Variants in GSDME observed in about 807,000 individuals in gnomAD.
The protein encoded by GSDME is gasdermin E, also known as gasdermin-E.
In GSDME, 44 loss-of-function variants were observed where a neutral mutation model predicts 47.5. That is an observed-to-expected ratio of 0.93 (90% confidence interval 0.73 to 1.19). The LOEUF is 1.19. Among genes scored for constraint, GSDME ranks in the 50% most tolerant of loss-of-function variants. The pLI is 0.00. For missense variants in GSDME, 663 were observed against 604.2 expected (o/e 1.10, Z -1.02); for synonymous variants, 258 against 252.8 (o/e 1.02, Z -0.20).
At chr7:24,719,307 G>T in intron 3 of GSDME, 89 bp from the exon 4 acceptor site, 1 of 1,371,566 alleles carries the variant, frequency 7.3e-7, no homozygotes, top group Non-Finnish European at 1.0e-6. Context: ...GGCAGCTGAG[G>T]AGTGAGCAGG....
chr7:24,715,805 TCTTTGACCAACTG>T (rs1313653026), intron 5 of GSDME, among the ~76,000 whole-genome samples: 2 of 152,194 alleles, frequency 1.3e-5, no homozygotes, highest in Admixed American at 6.5e-5. Context: ...CTGACAGACC[TCTTTGACCAACTG>T]CTTCAAACTG....
intron 8 of GSDME, 160 bp from the exon 9 acceptor site, chr7:24,702,993 T>C: frequency 1.6e-6 from 1 of 620,052 alleles, no homozygotes; most frequent in Non-Finnish European, 3.0e-6. Flanking sequence ...TGGTGCTAAA[T>C]GGGCAGCAAA....
chr7:24,717,266 C>G lies in GSDME; in HGVS notation c.685G>C (p.Asp229His). 1 of 1,587,472 alleles carries G rather than the reference C, an allele frequency of 6.3e-7. No homozygotes were observed. Among genetic ancestry groups the G allele is most frequent in the Admixed American group, 1.8e-5 (1 of 56,704 alleles). ...YGVIELYVKL[D>H]GQFEFCLLRG... Reference sequence around the variant, plus strand: ...AGGTGGCACTCACCGAACTGGCCGTCCAGTTTCACGTATAACTCAATGACA... The same window carrying G: ...AGGTGGCACTCACCGAACTGGCCGTGCAGTTTCACGTATAACTCAATGACA... Residue 229 changes from aspartate to histidine, a missense_variant, in exon 5 of 10, where the codon GAC becomes CAC. Asp to His is a moderately conservative substitution (Grantham distance 81). Coordinates refer to ENST00000645220, the MANE Select transcript of GSDME (RefSeq NM_001127453.2).
chr7:24,701,340 T>C (rs1788860326), intron 9 of GSDME, among the ~76,000 whole-genome samples: 1 of 152,230 alleles, frequency 6.6e-6, no homozygotes, highest in Non-Finnish European at 1.5e-5. Flanking sequence ...ATACCTTCCA[T>C]TCTGAACTCC....
intron 9 of GSDME, 28 bp from the exon 10 acceptor site, chr7:24,699,287 C>T (rs1788764626): frequency 6.5e-7 from 1 of 1,531,438 alleles, no homozygotes; most frequent in African/African-American, 1.4e-5. Context: ...AACAAATTCA[C>T]TTTTAAAATG....
Position 24,712,370 on chromosome 7 carries a change from G to A in GSDME, c.698-1982C>T, listed in dbSNP as rs574262073. 6.6e-6 allele frequency among the ~76,000 whole-genome samples: 1 copy of A among 152,236 alleles called. No individual in the cohort carries two copies. Among genetic ancestry groups the A allele is most frequent in the African/African-American group, 2.4e-5 (1 of 41,528 alleles). ...TCCCCAAAATAATGTGGAACCAACT[G>A]GCATTTTAAGAATCCACAGCACCAA... On this transcript the variant is annotated intron_variant, in intron 5 of 9. Coordinates refer to ENST00000645220, the MANE Select transcript of GSDME (RefSeq NM_001127453.2). The surrounding 1 kb of genome is among the most constrained non-coding windows in gnomAD (Gnocchi z 4.4).
At chr7:24,718,505 T>C (rs1789652821) in intron 4 of GSDME, among the ~76,000 whole-genome samples, 1 of 152,194 alleles carries the variant, frequency 6.6e-6, no homozygotes, top group African/African-American at 2.4e-5. Context: ...AAGTAATCAC[T>C]GTGAGAGCCC....
chr7:24,758,466 G>T (rs1344122319), upstream of GSDME, among the ~76,000 whole-genome samples: 1 of 152,180 alleles, frequency 6.6e-6, no homozygotes, highest in African/African-American at 2.4e-5. The surrounding 1 kb of genome is among the most constrained non-coding windows in gnomAD (Gnocchi z 4.6). Context: ...ATTGCTCAGT[G>T]ACACTTTCAG....
the GSDME span, among the ~76,000 whole-genome samples, chr7:24,781,584 C>T: frequency 3.3e-5 from 5 of 152,020 alleles, no homozygotes; most frequent in African/African-American, 1.2e-4. Context: ...TCTTAAGGCA[C>T]CTTTATGCTT....
chr7:24,748,168 A>ATATTTTTT (rs1483888057), intron 2 of GSDME, among the ~76,000 whole-genome samples: 1 of 117,498 alleles, frequency 8.5e-6, no homozygotes, highest in African/African-American at 2.9e-5. Flanking sequence ...ATATATATAT[A>ATATTTTTT]TTTTTTTTTG....
At position 24,744,533 on chromosome 7, in the gene GSDME, A is replaced by G. The variant is rs368792277; in HGVS notation, c.404+29T>C. 37 of 1,613,520 alleles carry G rather than the reference A, an allele frequency of 2.3e-5. No individual in the cohort carries two copies. The African/African-American group carries it at 4.1e-4, about 18-fold the overall frequency. Reference sequence around the variant, plus strand: ...GACCTTTAAATGTGAGATGTGTCAAAATCCAAAATGCCAAACAAGTCTCCT... The same window carrying G: ...GACCTTTAAATGTGAGATGTGTCAAGATCCAAAATGCCAAACAAGTCTCCT... On this transcript the variant is annotated intron_variant, in intron 3 of 9. Coordinates refer to ENST00000645220, the MANE Select transcript of GSDME (RefSeq NM_001127453.2). The surrounding 1 kb of genome is among the most constrained non-coding windows in gnomAD (Gnocchi z 4.5).
At chr7:24,784,771 G>A in the GSDME span, among the ~76,000 whole-genome samples, 1 of 151,934 alleles carries the variant, frequency 6.6e-6, no homozygotes, top group Non-Finnish European at 1.5e-5. Context: ...TGCTGGCCAG[G>A]CTGGTCTCAA....
At chr7:24,792,810 T>C in the GSDME span, among the ~76,000 whole-genome samples, 4 of 152,306 alleles carry the variant, frequency 2.6e-5, no homozygotes, top group South Asian at 8.3e-4. Flanking sequence ...TTTTTCTTTT[T>C]TCCACCCTTT....
intron 3 of GSDME, among the ~76,000 whole-genome samples, chr7:24,722,494 T>C (rs1010616106): frequency 2.6e-5 from 4 of 152,234 alleles, no homozygotes; most frequent in Admixed American, 6.5e-5. Flanking sequence ...TAGCAGATTC[T>C]TGAACGTCTG....
chr7:24,731,033 AT>A (rs1214492849), intron 3 of GSDME, among the ~76,000 whole-genome samples: 1 of 152,154 alleles, frequency 6.6e-6, no homozygotes, highest in African/African-American at 2.4e-5. Context: ...TTAGAAAAAA[AT>A]TAATAAATTG....
rs1310250577 is a variant in GSDME at position 24,721,294 on chromosome 7, C to CA, written c.405-2077dup. Among the ~76,000 whole-genome samples the CA allele has an allele frequency of 2.0e-5, 3 of 152,160 alleles. No homozygotes were observed. The highest frequency in any genetic ancestry group is 6.5e-5 in the Admixed American group (1 of 15,282). On this transcript the variant is annotated intron_variant, in intron 3 of 9. Coordinates refer to ENST00000645220, the MANE Select transcript of GSDME (RefSeq NM_001127453.2). This position sits in a 1 kb window ranked among gnomAD's most constrained non-coding sequence, Gnocchi z 4.1. ...AGATAAGACATAGGAAAAACGGGTT[C>CA]AATCTTAGTACTGGTTAAGGAAATT...
chr7:24,744,706 T>A lies in GSDME; in HGVS notation c.260A>T (p.His87Leu). ...TGCAGTCTCCAGGGTTCCACTCACG[T>A]GGTTTGCAAACTTGCCCTCGTATTT... Reference protein sequence around the residue: ...FVKYEGKFANHVSGTLETALG... With the variant: ...FVKYEGKFANLVSGTLETALG... Residue 87 changes from histidine (H) to leucine (L), a missense_variant, in exon 3 of 10, where the codon CAC becomes CTC. His to Leu is a moderately conservative substitution (Grantham distance 99). Transcript: ENST00000645220. This position sits in a 1 kb window ranked among gnomAD's most constrained non-coding sequence, Gnocchi z 4.5. The A allele has an allele frequency of 6.2e-7, 1 of 1,614,144 alleles. No individual in the cohort carries two copies. The highest frequency in any genetic ancestry group is 8.5e-7 in the Non-Finnish European group (1 of 1,180,024).
At chr7:24,771,456 A>G in the GSDME span, among the ~76,000 whole-genome samples, 1 of 152,246 alleles carries the variant, frequency 6.6e-6, no homozygotes, top group Non-Finnish European at 1.5e-5. The surrounding 1 kb of genome is among the most constrained non-coding windows in gnomAD (Gnocchi z 4.1). Flanking sequence ...AATTCACTCA[A>G]CACATTCATT....
At chr7:24,747,653 A>G (rs905895535) in intron 2 of GSDME, among the ~76,000 whole-genome samples, 1 of 151,766 alleles carries the variant, frequency 6.6e-6, no homozygotes, top group South Asian at 2.1e-4. Flanking sequence ...TGCTCATTGC[A>G]GCCTTACTTA....
Sources: allele counts gnomAD v4.1 joint callset (sites outside exome capture counted in the v4.1 genomes callset), GRCh38; gene constraint gnomAD v4.1.1; non-coding constraint Gnocchi (gnomAD v3.1); transcripts MANE v1.5; gene names NCBI Gene and HGNC (gene_info 2026-07-23, HGNC 2026-07-21).